CCDC63: variants seen among roughly 807,000 people sequenced by gnomAD.
The protein encoded by CCDC63 is coiled-coil domain-containing protein 63.
A neutral mutation model predicts 63.6 loss-of-function variants in CCDC63; 54 were observed. The observed-to-expected ratio is 0.85, with a 90% CI of 0.68 to 1.07. The LOEUF (loss-of-function observed/expected upper bound fraction) is 1.07. Among genes scored for constraint, CCDC63 ranks in the 50% least tolerant of loss-of-function variants. The pLI is 0.00. For missense variants in CCDC63, 637 were observed against 689.6 expected, an observed-to-expected ratio of 0.92 and a Z score of 0.86; for synonymous variants, 253 against 266.1, an observed-to-expected ratio of 0.95 and a Z score of 0.48.
chr12:110,866,371 G>T (rs2070948717), intron 4 of CCDC63, among the ~76,000 whole-genome samples: 2 of 148,000 alleles, frequency 1.4e-5, no homozygotes, highest in Non-Finnish European at 3.0e-5. Context: ...CACAGAGGGG[G>T]ATTTGGCAGG....
Position 110,905,842 on chromosome 12 carries a change from ATATATATGTGTGTGTGTATGTG to A in CCDC63, c.1546+1071_1546+1092del, listed in dbSNP as rs1412241241. Among the ~76,000 whole-genome samples the A allele has an allele frequency of 7.7e-5, 9 of 117,324 alleles. No homozygotes were observed. The South Asian group carries it at 1.9e-3, about 25-fold the overall frequency. The allele number at this position is 117,324 out of a possible 152,430, so 77.0% of individuals were successfully genotyped here. ...CGTGTGTACACACACACGTGTATGT[ATATATATGTGTGTGTGTATGTG>A]TATATATGTGTGTGTGTATATATAT... On this transcript the variant is annotated intron_variant, in intron 11 of 11. Coordinates refer to ENST00000308208, the MANE Select transcript of CCDC63 (RefSeq NM_152591.3).
chr12:110,868,881 A>G (rs2071025131), intron 4 of CCDC63, among the ~76,000 whole-genome samples: 1 of 152,078 alleles, frequency 6.6e-6, no homozygotes, highest in South Asian at 2.1e-4. Flanking sequence ...GCCCCTTAAG[A>G]TAGGGTGCAC....
At chr12:110,873,819 T>TTC (rs752168641) in intron 4 of CCDC63, 23 bp from the exon 5 acceptor site, 67 of 1,596,602 alleles carry the variant, frequency 4.2e-5, no homozygotes, top group Middle Eastern at 1.7e-4. Flanking sequence ...CAGCTGGAAT[T>TTC]TCTCTCTCTC....
intron 4 of CCDC63, among the ~76,000 whole-genome samples, chr12:110,864,839 T>C (rs1308195747): frequency 6.6e-6 from 1 of 152,222 alleles, no homozygotes; most frequent in Non-Finnish European, 1.5e-5. Flanking sequence ...TTGTCTCATA[T>C]GACAGGAAGT....
chr12:110,884,728 C>T (rs2071255806), intron 8 of CCDC63, among the ~76,000 whole-genome samples: 1 of 152,062 alleles, frequency 6.6e-6, no homozygotes, highest in Non-Finnish European at 1.5e-5. Flanking sequence ...GCTCTGTCAT[C>T]CAGGCTGGAG....
Position 110,904,603 on chromosome 12 carries a change from AGACCAAC to A in CCDC63, c.1363_1369del (p.Asn455CysfsTer79). On this transcript the variant is annotated frameshift_variant, in exon 11 of 12. Transcript: ENST00000308208. LOFTEE classifies it high-confidence loss of function. ...TGTTCTCCAGCCATCATTGAAAAGA[AGACCAAC>A]GACCTGCTGCTGTTGGAGACCTACA... 1 of 1,614,058 alleles carries A rather than the reference AGACCAAC, an allele frequency of 6.2e-7. No homozygotes were observed. The highest frequency in any genetic ancestry group is 8.5e-7 in the Non-Finnish European group (1 of 1,179,984).
At chr12:110,859,900 C>T (rs937411720) in intron 4 of CCDC63, among the ~76,000 whole-genome samples, 1 of 152,114 alleles carries the variant, frequency 6.6e-6, no homozygotes, top group Admixed American at 6.6e-5. Flanking sequence ...TTATGCTCCC[C>T]CACTCCCACC....
chr12:110,885,226 A>G lies in CCDC63; in HGVS notation c.1074+976A>G, dbSNP rs528904029. On this transcript the variant is annotated intron_variant, in intron 8 of 11. Coordinates refer to ENST00000308208, the MANE Select transcript of CCDC63 (RefSeq NM_152591.3). ...AGAAATATGCAAGAGGGACCTGCAA[A>G]GCTGAAAGTATTTCTTATTTGGCCC... is the stretch of plus-strand genomic sequence containing the variant. Among the ~76,000 whole-genome samples, 73 of 151,948 alleles carry G rather than the reference A, an allele frequency of 4.8e-4. 1 individual carries two copies. Among genetic ancestry groups the G allele is most frequent in the Middle Eastern group, 6.3e-3 (2 of 316 alleles).
Position 110,876,879 on chromosome 12 carries a change from C to CAAA in CCDC63, c.489+2932_489+2934dup, listed in dbSNP as rs57300765. 8.5e-3 allele frequency among the ~76,000 whole-genome samples: 940 copies of CAAA among 110,956 alleles called. 15 individuals carry two copies. The highest frequency in any genetic ancestry group is 0.025 in the African/African-American group (767 of 31,300). The allele number at this position is 110,956 out of a possible 152,430, so 72.8% of individuals were successfully genotyped here. A position where few individuals can be genotyped will look rare whatever the true frequency, so the allele number is the denominator to read the frequency against. The stretch of plus-strand genomic sequence containing the variant: ...TGAAACTCTGTCTCTACTAAAAATA[C>CAAA]AAAAAAAAAAAAAAAATAGCTGAGT... On this transcript the variant is annotated intron_variant, in intron 5 of 11. Coordinates refer to ENST00000308208, the MANE Select transcript of CCDC63 (RefSeq NM_152591.3).
intron 4 of CCDC63, among the ~76,000 whole-genome samples, chr12:110,867,133 C>T (rs1215047626): frequency 4.2e-5 from 6 of 143,478 alleles, no homozygotes; most frequent in Non-Finnish European, 9.3e-5. Flanking sequence ...GGCTGACCCC[C>T]CCCACCTCCC....
chr12:110,891,423 G>A (rs11065749), intron 8 of CCDC63, among the ~76,000 whole-genome samples: 44,394 of 151,738 alleles, frequency 0.29, 6,642 homozygotes, highest in Admixed American at 0.33. Context: ...GGCTGAGGCA[G>A]GAAGATTACT....
chr12:110,864,276 T>G (rs990177354), intron 4 of CCDC63, among the ~76,000 whole-genome samples: 9 of 152,188 alleles, frequency 5.9e-5, no homozygotes, highest in African/African-American at 2.2e-4. Flanking sequence ...CCGTGGAGCT[T>G]AAAATATTTA....
chr12:110,845,798 C>T (rs1265246999), upstream of CCDC63: 2 of 149,262 alleles, frequency 1.3e-5, no homozygotes, highest in African/African-American at 2.5e-5. Context: ...CTCACTCTGT[C>T]ACCCAGGCTG....
chr12:110,864,707 CAA>C (rs112919673), intron 4 of CCDC63, among the ~76,000 whole-genome samples: 9 of 126,498 alleles, frequency 7.1e-5, no homozygotes, highest in Non-Finnish European at 8.5e-5. Context: ...GACTCCATCT[CAA>C]AAAAAAAAAA....
At chr12:110,884,729 C>T (rs1040145669) in intron 8 of CCDC63, among the ~76,000 whole-genome samples, 1 of 152,052 alleles carries the variant, frequency 6.6e-6, no homozygotes, top group Non-Finnish European at 1.5e-5. Flanking sequence ...CTCTGTCATC[C>T]AGGCTGGAGT....
intron 3 of CCDC63, among the ~76,000 whole-genome samples, chr12:110,856,735 T>C (rs1336124558): frequency 6.6e-6 from 1 of 152,140 alleles, no homozygotes; most frequent in African/African-American, 2.4e-5. Flanking sequence ...CAAATCTGGC[T>C]GGCTGCTGGT....
chr12:110,857,738 C>T (rs1413195097), intron 3 of CCDC63, among the ~76,000 whole-genome samples: 1 of 152,124 alleles, frequency 6.6e-6, no homozygotes, highest in Non-Finnish European at 1.5e-5. Flanking sequence ...TAGACATTTC[C>T]TCATTAGCAC....
intron 4 of CCDC63, among the ~76,000 whole-genome samples, chr12:110,868,208 T>A (rs1479566735): frequency 1.5e-5 from 2 of 131,586 alleles, no homozygotes; most frequent in Non-Finnish European, 3.2e-5. Context: ...ACTTCCTAGA[T>A]GGGATGGCGG....
In CCDC63 at chr12:110,907,361, G is replaced by T. The variant is rs1426030923; in HGVS notation, c.1577G>T (p.Arg526Leu). The T allele has an allele frequency of 1.9e-6, 3 of 1,613,962 alleles. No homozygotes were observed. In the Admixed American group the frequency reaches 5.0e-5, roughly 27 times the overall value. Residue 526 changes from arginine to leucine, a missense_variant, in exon 12 of 12, where the codon CGG becomes CTG. Coordinates refer to ENST00000308208, the MANE Select transcript of CCDC63 (RefSeq NM_152591.3). The surrounding 1 kb of genome is among the most constrained non-coding windows in gnomAD (Gnocchi z 4.4). ...CAGCCCCTGGACCACAGCAGCCTTCGGCAGCTGGTTCTCGACAATTATATC... is the reference window on the plus strand; with the variant it reads ...CAGCCCCTGGACCACAGCAGCCTTCTGCAGCTGGTTCTCGACAATTATATC... ...VEQPLDHSSL[R>L]QLVLDNYILK...
Sources: gnomAD v4.1 joint callset for allele counts (sites outside exome capture counted in the v4.1 genomes callset) on GRCh38, gnomAD v4.1.1 for gene constraint, Gnocchi (gnomAD v3.1) non-coding constraint, MANE v1.5 for transcripts, NCBI Gene and HGNC (gene_info 2026-07-23, HGNC 2026-07-21) for gene names.